ST8SIA4: variants seen among roughly 807,000 people sequenced by gnomAD.
ST8SIA4 encodes the protein ST8 alpha-N-acetyl-neuraminide alpha-2,8-sialyltransferase 4.
Under a neutral mutation model 33.9 loss-of-function variants are expected in ST8SIA4, and 15 were observed. That is an observed-to-expected ratio of 0.44 (90% confidence interval 0.30 to 0.68). The LOEUF (loss-of-function observed/expected upper bound fraction) is 0.68. ST8SIA4 is among the 30% of genes least tolerant of loss of function. The pLI is 0.10. For synonymous variants in ST8SIA4, 171 were observed against 151.2 expected (o/e 1.13, Z -0.96); for missense variants, 321 against 428.0 (o/e 0.75, Z 2.21).
At chr5:100,828,994 AAC>A (rs1751198216) in intron 4 of ST8SIA4, among the ~76,000 whole-genome samples, 1 of 152,202 alleles carries the variant, frequency 6.6e-6, no homozygotes, top group Non-Finnish European at 1.5e-5. Context: ...TTGAGCTCAA[AAC>A]ACAGCCCAGT....
At chr5:100,886,040 A>C (rs1161227124) in intron 3 of ST8SIA4, 5 of 1,097,368 alleles carry the variant, frequency 4.6e-6, no homozygotes, top group Non-Finnish European at 5.6e-6. Flanking sequence ...AGAGATACTA[A>C]GAAAAAAGTT....
intron 4 of ST8SIA4, among the ~76,000 whole-genome samples, chr5:100,852,119 T>TTA (rs1751715075): frequency 7.5e-6 from 1 of 133,342 alleles, no homozygotes; most frequent in African/African-American, 2.8e-5. Flanking sequence ...CTCTTCTTTT[T>TTA]TTTTTTTTTT....
intron 3 of ST8SIA4, among the ~76,000 whole-genome samples, chr5:100,876,056 T>TAA (rs1280751440): frequency 6.6e-6 from 1 of 152,102 alleles, no homozygotes; most frequent in Non-Finnish European, 1.5e-5. Context: ...TATTAGTTAA[T>TAA]AAAACAAAGA....
intron 3 of ST8SIA4, among the ~76,000 whole-genome samples, chr5:100,869,504 C>T (rs1561400412): frequency 6.6e-6 from 1 of 151,978 alleles, no homozygotes; most frequent in Non-Finnish European, 1.5e-5. Context: ...CACTTTTTTC[C>T]TCCTCTAATA....
intron 4 of ST8SIA4, 38 bp downstream of exon 4, chr5:100,856,065 C>T: frequency 6.3e-7 from 1 of 1,593,952 alleles, no homozygotes; most frequent in Non-Finnish European, 8.6e-7. Flanking sequence ...ATGTGTTCCA[C>T]TGTGCCAAGG....
intron 1 of ST8SIA4, among the ~76,000 whole-genome samples, chr5:100,901,659 T>A (rs149466563): frequency 2.6e-5 from 4 of 152,320 alleles, no homozygotes; most frequent in African/African-American, 9.6e-5. Flanking sequence ...TGCTAGCTTT[T>A]TCATTCTCTT....
intron 4 of ST8SIA4, among the ~76,000 whole-genome samples, chr5:100,854,524 A>G (rs1480348721): frequency 2.0e-5 from 3 of 152,186 alleles, no homozygotes; most frequent in Admixed American, 1.3e-4. Context: ...CAGAGCTTGT[A>G]GTGAGCCGAG....
intron 4 of ST8SIA4, chr5:100,849,267 G>C (rs558052663): frequency 1.0e-6 from 1 of 985,034 alleles, no homozygotes; most frequent in Non-Finnish European, 1.2e-6. Context: ...ACATTGGTAC[G>C]TATATTTTAA....
At chr5:100,851,483 T>C (rs1290517649) in intron 4 of ST8SIA4, among the ~76,000 whole-genome samples, 3 of 152,012 alleles carry the variant, frequency 2.0e-5, no homozygotes, top group Non-Finnish European at 4.4e-5. Context: ...GAAAAGTATA[T>C]AATGGAATAT....
intron 3 of ST8SIA4, among the ~76,000 whole-genome samples, chr5:100,859,139 A>G (rs1751879174): frequency 1.3e-5 from 2 of 152,120 alleles, no homozygotes; most frequent in Admixed American, 1.3e-4. Context: ...CCAGCAATTC[A>G]GTAGACTTGT....
intron 4 of ST8SIA4, among the ~76,000 whole-genome samples, chr5:100,812,985 C>A (rs1412779043): frequency 2.6e-5 from 4 of 151,944 alleles, no homozygotes; most frequent in Non-Finnish European, 5.9e-5. Context: ...TCAAAGTTGT[C>A]CAATGATAAA....
At chr5:100,852,189 C>T (rs561254547) in intron 4 of ST8SIA4, among the ~76,000 whole-genome samples, 176 of 133,572 alleles carry the variant, frequency 1.3e-3, no homozygotes, top group Non-Finnish European at 2.0e-3. Context: ...AGCATGAGCT[C>T]GGCTCACTGC....
intron 4 of ST8SIA4, among the ~76,000 whole-genome samples, chr5:100,817,109 ATTTTTTTTTTTTTTT>A (rs57222657): frequency 2.3e-4 from 17 of 74,368 alleles, no homozygotes; most frequent in African/African-American, 8.2e-4. Flanking sequence ...CACCCAGCTA[ATTTTTTTTTTTTTTT>A]TTTTTTTTTT....
chr5:100,869,378 C>T (rs1752147199), intron 3 of ST8SIA4, among the ~76,000 whole-genome samples: 1 of 152,070 alleles, frequency 6.6e-6, no homozygotes, highest in Admixed American at 6.6e-5. Flanking sequence ...CGACCATTTG[C>T]TAATGTCCAT....
intron 2 of ST8SIA4, among the ~76,000 whole-genome samples, chr5:100,890,337 C>T (rs1238320578): frequency 6.6e-6 from 1 of 151,718 alleles, no homozygotes. Flanking sequence ...AGCTAAATGT[C>T]ATTGGAAGCA....
chr5:100,873,663 A>G (rs189995576), intron 3 of ST8SIA4, among the ~76,000 whole-genome samples: 100 of 152,260 alleles, frequency 6.6e-4, no homozygotes, highest in South Asian at 3.5e-3. Flanking sequence ...CCAGTACTTA[A>G]GTGCTGCTTG....
rs1752951410 is a variant in ST8SIA4, at chr5:100,902,830, G to A, written c.113+13C>T. On this transcript the variant is annotated intron_variant, in intron 1 of 4. Transcript: ENST00000231461. ...ACTTTTTGTCATATCCTGAAATGAA[G>A]CTTTGCATTTACCCGATGAGTTGCG... The A allele has an allele frequency of 1.3e-6, 2 of 1,598,246 alleles. No homozygotes were observed. The highest frequency in any genetic ancestry group is 1.7e-5 in the Admixed American group (1 of 59,978).
At chr5:100,854,499 C>T (rs759263739) in intron 4 of ST8SIA4, among the ~76,000 whole-genome samples, 4 of 152,046 alleles carry the variant, frequency 2.6e-5, no homozygotes, top group Admixed American at 2.0e-4. Flanking sequence ...AGGAGAACGG[C>T]GTGAACCCAG....
chr5:100,876,895 G>A (rs139255727), intron 3 of ST8SIA4, among the ~76,000 whole-genome samples: 1 of 151,932 alleles, frequency 6.6e-6, no homozygotes, highest in East Asian at 1.9e-4. Flanking sequence ...ATCATGTAAT[G>A]ATATTGACCA....
Sources: allele counts gnomAD v4.1 joint callset (sites outside exome capture counted in the v4.1 genomes callset), GRCh38; gene constraint gnomAD v4.1.1; transcripts MANE v1.5; gene names NCBI Gene and HGNC (gene_info 2026-07-23, HGNC 2026-07-21).